The following GSE1 variants were observed in gnomAD, a reference collection of about 807,000 sequenced individuals.
The protein encoded by GSE1 is Gse1 coiled-coil protein, also known as genetic suppressor element 1.
Under a neutral mutation model 112.6 loss-of-function variants are expected in GSE1, and 32 were observed. The ratio of observed to expected loss-of-function variants is 0.28; its 90% CI spans 0.21 to 0.38. GSE1 has a LOEUF of 0.38. Ranked by LOEUF, GSE1 falls within the 10% of genes least tolerant of loss-of-function variation. The pLI, the probability that GSE1 is intolerant of heterozygous loss-of-function variation, is 1.00. For missense variants in GSE1, 2,348 were observed against 1,699.2 expected (o/e 1.38, Z -6.71); for synonymous variants, 1,115 against 735.6 (o/e 1.52, Z -8.35).
intron 1 of GSE1, among the ~76,000 whole-genome samples, chr16:85,624,062 A>G (rs970258726): frequency 2.0e-5 from 3 of 152,190 alleles, no homozygotes; most frequent in African/African-American, 7.2e-5. Context: ...GGGAGAGGAG[A>G]GGGGCCTGCA....
intron 2 of GSE1, among the ~76,000 whole-genome samples, chr16:85,479,099 G>A (rs1481612255): frequency 1.4e-5 from 2 of 141,086 alleles, no homozygotes; most frequent in Non-Finnish European, 3.0e-5. Flanking sequence ...TCGGCTCATT[G>A]CAAACTCTGC....
chr16:85,331,724 TTTTAGTTA>T (rs2046378348), intron 1 of GSE1, among the ~76,000 whole-genome samples: 1 of 131,574 alleles, frequency 7.6e-6, no homozygotes, highest in Non-Finnish European at 1.6e-5. Context: ...TTTTTTTTTT[TTTTAGTTA>T]AGATGGGGTT....
At chr16:85,291,848 C>T (rs1364111678) in intron 1 of GSE1, among the ~76,000 whole-genome samples, 3 of 152,238 alleles carry the variant, frequency 2.0e-5, no homozygotes, top group East Asian at 1.9e-4. Flanking sequence ...ACAAAACACT[C>T]GTCCCTCTCA....
At chr16:85,361,603 G>A (rs1313765151) in intron 2 of GSE1, among the ~76,000 whole-genome samples, 1 of 152,218 alleles carries the variant, frequency 6.6e-6, no homozygotes, top group Non-Finnish European at 1.5e-5. Flanking sequence ...GCCAGGGCAG[G>A]TGGCGCGACT....
chr16:85,457,313 G>A (rs1301250502), intron 2 of GSE1, among the ~76,000 whole-genome samples: 2 of 152,204 alleles, frequency 1.3e-5, no homozygotes, highest in African/African-American at 4.8e-5. Context: ...TCTCCACCCT[G>A]AGCTGGCAGA....
rs2050813632 is a variant in GSE1 at position 85,485,720 on chromosome 16, C to T, written c.2464+128077C>T. ...AGGCGGCCGGCTGTGCATCAGTGTGCCCGTAATTGTTCCTGTAATTGGGCC... is the reference window on the plus strand; with the variant it reads ...AGGCGGCCGGCTGTGCATCAGTGTGTCCGTAATTGTTCCTGTAATTGGGCC... On this transcript the variant is annotated intron_variant, in intron 2 of 2. Transcript: ENST00000637419. Among the ~76,000 whole-genome samples the T allele has an allele frequency of 2.0e-5, 3 of 152,242 alleles. No homozygotes were observed. In the South Asian group the frequency reaches 6.2e-4, roughly 31 times the overall value.
intron 2 of GSE1, among the ~76,000 whole-genome samples, chr16:85,525,711 A>C (rs1030147380): frequency 6.6e-6 from 1 of 152,212 alleles, no homozygotes; most frequent in Admixed American, 6.5e-5. Flanking sequence ...CTTTGCCATC[A>C]GTATGTCTGG....
In GSE1 at chr16:85,319,113, G is replaced by T. The variant is rs149165179; in HGVS notation, c.2284-38350G>T. ...CAGCATGTCATAGGCCCTCAGTATC[G>T]CTCACCCCCTCCCTTCTCCTCCTCT... is the stretch of plus-strand genomic sequence containing the variant. On this transcript the variant is annotated intron_variant, in intron 1 of 2. Transcript: ENST00000637419. 5.6e-4 allele frequency among the ~76,000 whole-genome samples: 85 copies of T among 152,194 alleles called. 1 individual carries two copies. In the East Asian group the frequency reaches 0.012, roughly 21 times the overall value.
At chr16:85,352,271 G>C (rs2046866052) in intron 1 of GSE1, among the ~76,000 whole-genome samples, 1 of 152,160 alleles carries the variant, frequency 6.6e-6, no homozygotes, top group Non-Finnish European at 1.5e-5. Flanking sequence ...GCGGTGGGCT[G>C]TGAATCCCCA....
chr16:85,463,749 G>T lies in GSE1; in HGVS notation c.2464+106106G>T, dbSNP rs539079087. Among the ~76,000 whole-genome samples the T allele has an allele frequency of 1.7e-4, 26 of 152,326 alleles. 1 individual carries two copies. The highest frequency in any genetic ancestry group is 6.0e-4 in the African/African-American group (25 of 41,584). ...ACAGTTAGGCAGCGAGAGGGTAAGA[G>T]TCACAGAGCCCGCCGAGGGTGGGGA... On this transcript the variant is annotated intron_variant, in intron 2 of 2. Transcript: ENST00000637419.
At position 85,675,864 on chromosome 16, in the gene GSE1, C is replaced by G. The variant is rs1178916916; in HGVS notation, c.*3325C>G. The stretch of plus-strand genomic sequence containing the variant: ...AAGCTGTTGACTTTCTTACTACTTG[C>G]AGTAGCCTGTCCCCAACTTTTCCAT... On this transcript the variant is annotated 3_prime_UTR_variant, in exon 16 of 16. Coordinates refer to ENST00000253458, the MANE Select transcript of GSE1 (RefSeq NM_014615.5). 1 of 152,364 alleles carries G rather than the reference C, an allele frequency of 6.6e-6. No homozygotes were observed. Among genetic ancestry groups the G allele is most frequent in the East Asian group, 1.9e-4 (1 of 5,204 alleles). The allele number at this position is 152,364 out of a possible 1,614,324, so 9.4% of individuals were successfully genotyped here.
In GSE1 at chr16:85,407,972, T is replaced by G. The variant is rs1431939740; in HGVS notation, c.2464+50329T>G. On this transcript the variant is annotated intron_variant, in intron 2 of 2. Coordinates refer to the GSE1 transcript ENST00000637419. ...CTCACCGTTACACTCAGGGTCCCTC[T>G]GATAATCCTCACTGTTACACTCAGG... 1.4e-4 allele frequency among the ~76,000 whole-genome samples: 6 copies of G among 42,748 alleles called. 1 individual carries two copies. The highest frequency in any genetic ancestry group is 2.4e-4 in the Non-Finnish European group (5 of 20,460). The allele number at this position is 42,748 out of a possible 152,430, so 28.0% of individuals were successfully genotyped here.
At position 85,373,722 on chromosome 16, in the gene GSE1, G is replaced by A. The variant is rs1306435372; in HGVS notation, c.2464+16079G>A. Among the ~76,000 whole-genome samples, 1 of 152,132 alleles carries A rather than the reference G, an allele frequency of 6.6e-6. No homozygotes were observed. Among genetic ancestry groups the A allele is most frequent in the Non-Finnish European group, 1.5e-5 (1 of 68,020 alleles). ...ACAGGTGTGTGGCGGGTGGGTGGAG[G>A]GACGAAAGGGCGAATGAATGAGCGC... On this transcript the variant is annotated intron_variant, in intron 2 of 2. Transcript: ENST00000637419. The surrounding 1 kb of genome is among the most constrained non-coding windows in gnomAD (Gnocchi z 5.1).
At chr16:85,462,739 G>C (rs1446386798) in intron 2 of GSE1, among the ~76,000 whole-genome samples, 1 of 142,546 alleles carries the variant, frequency 7.0e-6, no homozygotes, top group Non-Finnish European at 1.6e-5. Flanking sequence ...GCGCCGGCCG[G>C]GCGGGGGACG....
chr16:85,605,061 T>C (rs938869403), intron 1 of GSE1, among the ~76,000 whole-genome samples: 11 of 150,414 alleles, frequency 7.3e-5, no homozygotes, highest in Admixed American at 5.3e-4. Context: ...TTGTGATCCG[T>C]CCGCCTCGGC....
upstream of GSE1, among the ~76,000 whole-genome samples, chr16:85,611,223 C>T (rs1567645755): frequency 6.6e-6 from 1 of 152,072 alleles, no homozygotes; most frequent in Admixed American, 6.5e-5. Context: ...TTTTAAGGCT[C>T]GGGGCCAGTC....
chr16:85,539,666 T>C (rs1055865193), intron 2 of GSE1, among the ~76,000 whole-genome samples: 4 of 152,308 alleles, frequency 2.6e-5, no homozygotes, highest in Admixed American at 1.3e-4. Flanking sequence ...CATTAGCGCC[T>C]GCGTTCACAC....
intron 1 of GSE1, among the ~76,000 whole-genome samples, chr16:85,291,515 G>C (rs765719424): frequency 6.6e-6 from 1 of 152,206 alleles, no homozygotes; most frequent in Non-Finnish European, 1.5e-5. Flanking sequence ...CCATGGGGTC[G>C]AATAAAGGGC....
chr16:85,337,670 C>G (rs1164447759), intron 1 of GSE1, among the ~76,000 whole-genome samples: 1 of 152,150 alleles, frequency 6.6e-6, no homozygotes, highest in Admixed American at 6.5e-5. Context: ...GGCCAGTCAC[C>G]TGGGCTGCAC....
Sources: allele counts gnomAD v4.1 joint callset (sites outside exome capture counted in the v4.1 genomes callset), GRCh38; gene constraint gnomAD v4.1.1; non-coding constraint Gnocchi (gnomAD v3.1); transcripts MANE v1.5; gene names NCBI Gene and HGNC (gene_info 2026-07-23, HGNC 2026-07-21).